GPS1: variants seen among roughly 807,000 people sequenced by gnomAD.
GPS1 encodes COP9 signalosome complex subunit 1.
A neutral mutation model predicts 60.0 loss-of-function variants in GPS1; 11 were observed. The observed-to-expected ratio is 0.18, with a 90% CI of 0.12 to 0.30. GPS1 has a LOEUF of 0.30. Ranked by LOEUF, GPS1 falls within the 10% of genes least tolerant of loss-of-function variation. The pLI, the probability that GPS1 is intolerant of heterozygous loss-of-function variation, is 1.00. For synonymous variants in GPS1, 343 were observed against 269.8 expected (o/e 1.27, Z -2.66); for missense variants, 543 against 669.2 (o/e 0.81, Z 2.08).
At chr17:82,051,271 G>T (rs778561237), upstream of GPS1, 6 of 1,354,202 alleles carry the variant, frequency 4.4e-6, no homozygotes, top group Admixed American at 1.7e-4. This position sits in a 1 kb window ranked among gnomAD's most constrained non-coding sequence, Gnocchi z 4.1. Flanking sequence ...TCCCGCGGGC[G>T]CCGGGGAGTG....
chr17:82,054,101 G>A, intron 3 of GPS1, 52 bp downstream of exon 3: 2 of 1,536,208 alleles, frequency 1.3e-6, no homozygotes, highest in Non-Finnish European at 1.8e-6. Context: ...GGGAGCGCGG[G>A]TGTCTGGGAC....
At chr17:82,051,021 A>T (rs2030467587), upstream of GPS1, 1 of 1,401,046 alleles carries the variant, frequency 7.1e-7, no homozygotes, top group Non-Finnish European at 9.2e-7. The surrounding 1 kb of genome is among the most constrained non-coding windows in gnomAD (Gnocchi z 4.1). Flanking sequence ...CCTGGCCTGG[A>T]AGGGCGGATT....
chr17:82,052,505 G>A (rs1440085725), intron 1 of GPS1: 1 of 1,587,840 alleles, frequency 6.3e-7, no homozygotes, highest in East Asian at 2.3e-5. Context: ...GGGGGAGCAG[G>A]GCCCCGGCCG....
chr17:82,052,765 C>T (rs1487602765), intron 1 of GPS1: 1 of 430,122 alleles, frequency 2.3e-6, no homozygotes, highest in African/African-American at 2.0e-5. Context: ...CCATGAGGCT[C>T]CCTGAGATGA....
chr17:82,051,073 GC>G, upstream of GPS1: 3 of 1,369,588 alleles, frequency 2.2e-6, no homozygotes, highest in Non-Finnish European at 2.8e-6. This position sits in a 1 kb window ranked among gnomAD's most constrained non-coding sequence, Gnocchi z 4.1. Flanking sequence ...CTAGCCCCAC[GC>G]CCCGGGAAGC....
chr17:82,052,789 C>T, intron 1 of GPS1: 1 of 373,614 alleles, frequency 2.7e-6, no homozygotes, highest in South Asian at 3.2e-5. Context: ...TTTTCCCCTT[C>T]TCCCAACTCC....
At chr17:82,055,910 A>G (rs879173291) in intron 7 of GPS1, 85 bp downstream of exon 7, 10 of 1,440,956 alleles carry the variant, frequency 6.9e-6, no homozygotes, top group South Asian at 2.4e-5. Flanking sequence ...TCTCTCACAA[A>G]TGGGGTCTTA....
At chr17:82,055,507 C>T (rs1381150954) in intron 6 of GPS1, 2 of 607,550 alleles carry the variant, frequency 3.3e-6, no homozygotes, top group South Asian at 3.9e-5. Context: ...CTGCTAGCAC[C>T]TAGGGCTTCC....
intron 1 of GPS1, 138 bp downstream of exon 1, chr17:82,052,102 G>T: frequency 1.2e-6 from 1 of 830,604 alleles, no homozygotes; most frequent in Non-Finnish European, 1.5e-6. Flanking sequence ...CGCGGGCAGC[G>T]CGCGTCGGGG....
intron 8 of GPS1, 72 bp downstream of exon 8, chr17:82,056,167 T>TGTCCTGGC (rs1362455707): frequency 2.8e-6 from 4 of 1,420,320 alleles, no homozygotes; most frequent in Non-Finnish European, 4.0e-6. Flanking sequence ...CGGCCTTGCA[T>TGTCCTGGC]GTCCTGGCCC....
intron 3 of GPS1, 182 bp from the exon 4 acceptor site, chr17:82,054,328 G>T: frequency 1.1e-6 from 1 of 896,472 alleles, no homozygotes; most frequent in South Asian, 1.9e-5. Flanking sequence ...AGGCTCCTGG[G>T]GCAGCAGTTC....
At chr17:82,051,709 CCAGGGCCGCGGCCAGCGCGAGG>C, upstream of GPS1, 2 of 1,030,082 alleles carry the variant, frequency 1.9e-6, no homozygotes, top group African/African-American at 1.7e-5. This position sits in a 1 kb window ranked among gnomAD's most constrained non-coding sequence, Gnocchi z 4.1. Context: ...AGCAGCGCGG[CCAGGGCCGCGGCCAGCGCGAGG>C]CAGGCCCGGC....
rs778300415 is a variant in GPS1, at chr17:82,057,468, G to A, written c.*341G>A. 31 of 470,534 alleles carry A rather than the reference G, an allele frequency of 6.6e-5. No individual in the cohort carries two copies. The highest frequency in any genetic ancestry group is 2.9e-4 in the African/African-American group (15 of 51,490). 29.1% of individuals were successfully genotyped at this position (470,534 alleles called of 1,614,324 possible). On this transcript the variant is annotated 3_prime_UTR_variant, in exon 13 of 13. Coordinates refer to ENST00000578552, the MANE Select transcript of GPS1 (RefSeq NM_001321092.3). ...GTGTCCATTAAAGAGCAGACTCAGC[G>A]TTGCTCTTGGCTGTTCTTTCCTGCC...
chr17:82,053,214 C>T (rs888192692), intron 1 of GPS1, 60 bp from the exon 2 acceptor site: 3 of 1,364,500 alleles, frequency 2.2e-6, no homozygotes, highest in South Asian at 1.6e-5. Context: ...CAGTGCGGGT[C>T]TCTCGCCCTC....
In GPS1 at chr17:82,053,739, C is replaced by T. The variant is rs1165487756; in HGVS notation, c.127-129C>T. On this transcript the variant is annotated intron_variant, in intron 2 of 12. Transcript: ENST00000578552. ...AGCAGTCAGTCTCGTACCCCCATGCCCGGTTCTGGTTATGGGCCCAGGGCG... is the reference window on the plus strand; with the variant it reads ...AGCAGTCAGTCTCGTACCCCCATGCTCGGTTCTGGTTATGGGCCCAGGGCG... 5.5e-6 allele frequency: 5 copies of T among 905,652 alleles called. No individual in the cohort carries two copies. In the Admixed American group the frequency reaches 1.4e-4, roughly 25 times the overall value. The allele number at this position is 905,652 out of a possible 1,614,324, so 56.1% of individuals were successfully genotyped here.
At chr17:82,055,445 G>C (rs901720174) in intron 6 of GPS1, 8 of 623,318 alleles carry the variant, frequency 1.3e-5, no homozygotes, top group Non-Finnish European at 2.0e-5. Context: ...CTGTGGGCGT[G>C]AGGCAGGTCT....
rs1464706543 is a variant in GPS1 at position 82,055,750 on chromosome 17, G to C, written c.759G>C (p.Glu253Asp). ...GGCTCCTTCCACTAGGCTTGGCAGA[G>C]CTGGCCGCCAGGAAGTACAAGCAGG... is the stretch of plus-strand genomic sequence containing the variant. ...TKLKCAAGLA[E>D]LAARKYKQAA... is the part of the protein sequence containing the mutation. Residue 253 changes from glutamate (E) to aspartate (D), a missense_variant, in exon 7 of 13, where the codon GAG becomes GAC. Coordinates refer to ENST00000578552, the MANE Select transcript of GPS1 (RefSeq NM_001321092.3). 1 of 1,553,752 alleles carries C rather than the reference G, an allele frequency of 6.4e-7. No individual in the cohort carries two copies. Among genetic ancestry groups the C allele is most frequent in the Admixed American group, 1.9e-5 (1 of 51,636 alleles).
At chr17:82,052,219 C>T in intron 1 of GPS1, 4 of 1,568,790 alleles carry the variant, frequency 2.5e-6, no homozygotes, top group Non-Finnish European at 3.5e-6. Flanking sequence ...GGAGAGGTTC[C>T]CGGCCGCCCC....
In GPS1 at chr17:82,054,504, T is replaced by C; in HGVS notation, c.309-6T>C. 6.6e-7 allele frequency: 1 copy of C among 1,505,886 alleles called. No homozygotes were observed. The highest frequency in any genetic ancestry group is 8.8e-7 in the Non-Finnish European group (1 of 1,130,276). 93.3% of individuals were successfully genotyped at this position (1,505,886 alleles called of 1,614,324 possible). On this transcript the variant is annotated splice_region_variant and splice_polypyrimidine_tract_variant and intron_variant, in intron 3 of 12. Coordinates refer to ENST00000578552, the MANE Select transcript of GPS1 (RefSeq NM_001321092.3). ...CCGCCATCCTGATGGCCAGGTCCTC[T>C]CTCAGGGAGCTGCAGAACGCACCCG...
Sources: gnomAD v4.1 joint callset for allele counts on GRCh38, gnomAD v4.1.1 for gene constraint, Gnocchi (gnomAD v3.1) non-coding constraint, MANE v1.5 for transcripts, NCBI Gene and HGNC (gene_info 2026-07-23, HGNC 2026-07-21) for gene names.